GRIP1: variants seen among roughly 807,000 people sequenced by gnomAD.
GRIP1 encodes glutamate receptor interacting protein 1.
A neutral mutation model predicts 129.9 loss-of-function variants in GRIP1; 45 were observed. The ratio of observed to expected loss-of-function variants is 0.35; its 90% confidence interval spans 0.27 to 0.44. GRIP1 has a LOEUF of 0.44. GRIP1 is among the 20% of genes least tolerant of loss of function. GRIP1 has a pLI of 1.00. For synonymous variants in GRIP1, 530 were observed against 520.8 expected (o/e 1.02, Z -0.24); for missense variants, 1,196 against 1,396.8 (o/e 0.86, Z 2.29).
At chr12:66,700,389 G>T (rs1341950362) in intron 1 of GRIP1, among the ~76,000 whole-genome samples, 3 of 151,906 alleles carry the variant, frequency 2.0e-5, no homozygotes, top group African/African-American at 7.3e-5. Context: ...ATGTTAGAGA[G>T]TGGGCTTTAT....
At chr12:66,798,656 T>C (rs961671094) in intron 1 of GRIP1, among the ~76,000 whole-genome samples, 1 of 152,138 alleles carries the variant, frequency 6.6e-6, no homozygotes, top group Non-Finnish European at 1.5e-5. Context: ...TTTGAAATAA[T>C]TATGCCATTT....
chr12:66,757,569 A>G (rs535316285), intron 1 of GRIP1, among the ~76,000 whole-genome samples: 1 of 152,326 alleles, frequency 6.6e-6, no homozygotes, highest in African/African-American at 2.4e-5. Context: ...TATTGCAGAT[A>G]CTTCCTCGAT....
At chr12:66,562,710 T>A (rs1185731261) in intron 2 of GRIP1, among the ~76,000 whole-genome samples, 1 of 152,092 alleles carries the variant, frequency 6.6e-6, no homozygotes, top group Non-Finnish European at 1.5e-5. Context: ...TATGTACGTA[T>A]AATACAATGT....
At chr12:66,788,795 G>A (rs1186136212) in intron 1 of GRIP1, among the ~76,000 whole-genome samples, 1 of 152,104 alleles carries the variant, frequency 6.6e-6, no homozygotes, top group African/African-American at 2.4e-5. Context: ...AGAGATGATT[G>A]TAGCCCCAGC....
intron 23 of GRIP1, among the ~76,000 whole-genome samples, chr12:66,364,265 CAAAAAAAAA>C (rs1159887365): frequency 6.1e-5 from 1 of 16,346 alleles, no homozygotes; most frequent in East Asian, 2.5e-3. Context: ...GACTCCATCT[CAAAAAAAAA>C]AAAAAAAAAA....
At chr12:66,574,877 C>T (rs900482646) in intron 2 of GRIP1, among the ~76,000 whole-genome samples, 1 of 151,672 alleles carries the variant, frequency 6.6e-6, no homozygotes, top group Non-Finnish European at 1.5e-5. Context: ...TGGATTCAAG[C>T]GATTCTTATG....
chr12:66,850,716 C>T (rs2039895413), intron 1 of GRIP1, among the ~76,000 whole-genome samples: 1 of 151,920 alleles, frequency 6.6e-6, no homozygotes, highest in African/African-American at 2.4e-5. Flanking sequence ...CTCAAAAGTA[C>T]ATCTTTCTGA....
At chr12:66,497,643 A>C (rs1298990163) in intron 7 of GRIP1, among the ~76,000 whole-genome samples, 1 of 152,142 alleles carries the variant, frequency 6.6e-6, no homozygotes, top group African/African-American at 2.4e-5. Flanking sequence ...GCAGAGGTAG[A>C]CACGAGCTGG....
intron 15 of GRIP1, among the ~76,000 whole-genome samples, chr12:66,407,135 G>A (rs1279941735): frequency 6.6e-6 from 1 of 152,146 alleles, no homozygotes; most frequent in Non-Finnish European, 1.5e-5. Flanking sequence ...CATTATATCT[G>A]TGCCAGAGAC....
intron 2 of GRIP1, among the ~76,000 whole-genome samples, chr12:66,578,670 G>C (rs2063238248): frequency 2.0e-5 from 3 of 152,340 alleles, no homozygotes; most frequent in Middle Eastern, 6.8e-3. Flanking sequence ...ACAGCAGTCT[G>C]AGATCAAACT....
intron 1 of GRIP1, among the ~76,000 whole-genome samples, chr12:66,962,164 T>C (rs984669495): frequency 6.6e-6 from 1 of 152,210 alleles, no homozygotes; most frequent in Non-Finnish European, 1.5e-5. Flanking sequence ...GATGCAAGCA[T>C]AGCCCAAGCT....
chr12:66,741,422 G>T (rs2036783165), intron 1 of GRIP1, among the ~76,000 whole-genome samples: 1 of 152,168 alleles, frequency 6.6e-6, no homozygotes, highest in South Asian at 2.1e-4. Context: ...GAGGGAAAAT[G>T]TGGGGATAAA....
intron 1 of GRIP1, among the ~76,000 whole-genome samples, chr12:66,871,569 A>C (rs1193223532): frequency 6.6e-6 from 1 of 152,130 alleles, no homozygotes; most frequent in Non-Finnish European, 1.5e-5. Context: ...GCATATAACA[A>C]AAACTCAATA....
chr12:66,601,018 C>T (rs550190860), intron 1 of GRIP1, among the ~76,000 whole-genome samples: 2 of 152,198 alleles, frequency 1.3e-5, no homozygotes, highest in South Asian at 4.1e-4. Context: ...ACATGGGTCC[C>T]TTTAGAGTGA....
intron 15 of GRIP1, among the ~76,000 whole-genome samples, chr12:66,411,109 G>A (rs184625157): frequency 1.3e-5 from 2 of 152,092 alleles, no homozygotes; most frequent in African/African-American, 2.4e-5. Context: ...GATGAGGGTG[G>A]TTCCCCAAAT....
intron 7 of GRIP1, among the ~76,000 whole-genome samples, chr12:66,478,150 T>G (rs10784541): frequency 0.64 from 97,190 of 152,020 alleles, 31,493 homozygotes; most frequent in Middle Eastern, 0.78. Context: ...GCTAATATCC[T>G]AATCTACAAA....
rs79994510 is a variant in GRIP1 at position 66,539,064 on chromosome 12, G to T, written c.418+14C>A. ...AATGTATCCCCTATGGATAAGGGGGGCTACTGTACTTACAGACCGGTGGAA... is the reference window on the plus strand; with the variant it reads ...AATGTATCCCCTATGGATAAGGGGGTCTACTGTACTTACAGACCGGTGGAA... On this transcript the variant is annotated intron_variant, in intron 4 of 24. Coordinates refer to ENST00000359742, the MANE Select transcript of GRIP1 (RefSeq NM_001366722.1). 2.1e-4 allele frequency: 332 copies of T among 1,610,444 alleles called. No homozygotes were observed. The East Asian group carries it at 5.5e-3, about 27-fold the overall frequency.
At chr12:66,556,755 A>T (rs2062347616) in intron 2 of GRIP1, among the ~76,000 whole-genome samples, 2 of 152,146 alleles carry the variant, frequency 1.3e-5, no homozygotes, top group African/African-American at 4.8e-5. Flanking sequence ...AGTTGTCATC[A>T]GTTTAAAATA....
At chr12:66,602,046 G>A (rs1208710437) in intron 1 of GRIP1, among the ~76,000 whole-genome samples, 7 of 152,148 alleles carry the variant, frequency 4.6e-5, no homozygotes. Context: ...GAGAAAGGGA[G>A]ATCCACCATT....
Sources: allele counts gnomAD v4.1 joint callset (sites outside exome capture counted in the v4.1 genomes callset), GRCh38; gene constraint gnomAD v4.1.1; transcripts MANE v1.5; gene names NCBI Gene and HGNC (gene_info 2026-07-23, HGNC 2026-07-21).